UBR1: variants seen among roughly 807,000 people sequenced by gnomAD.
UBR1 encodes E3 ubiquitin-protein ligase UBR1.
Under a neutral mutation model 242.1 loss-of-function variants are expected in UBR1, and 102 were observed. The ratio of observed to expected loss-of-function variants is 0.42; its 90% CI spans 0.36 to 0.50. The LOEUF is 0.50. UBR1 is among the 20% of genes least tolerant of loss of function. UBR1 has a pLI of 0.01. For missense variants in UBR1, 1,772 were observed against 2,101.8 expected (o/e 0.84, Z 3.07); for synonymous variants, 675 against 684.8 (o/e 0.99, Z 0.22).
At chr15:43,060,677 C>T (rs1352191039) in intron 6 of UBR1, among the ~76,000 whole-genome samples, 1 of 152,136 alleles carries the variant, frequency 6.6e-6, no homozygotes, top group Admixed American at 6.6e-5. Flanking sequence ...CTGTCTTCCT[C>T]ATTTAACCTT....
intron 32 of UBR1, among the ~76,000 whole-genome samples, chr15:42,999,547 G>C (rs2032692043): frequency 6.6e-6 from 1 of 152,098 alleles, no homozygotes; most frequent in African/African-American, 2.4e-5. Flanking sequence ...AACAAAGAAG[G>C]GCTGGGTGCA....
At chr15:43,062,329 A>G (rs1261287172) in intron 6 of UBR1, among the ~76,000 whole-genome samples, 5 of 151,744 alleles carry the variant, frequency 3.3e-5, no homozygotes, top group Non-Finnish European at 7.3e-5. Flanking sequence ...ATATGTATAT[A>G]TGTGTATATA....
Position 42,950,370 on chromosome 15 carries a change from G to A in UBR1, c.5007-7C>T, listed in dbSNP as rs781234581. On this transcript the variant is annotated splice_polypyrimidine_tract_variant and splice_region_variant and intron_variant, in intron 45 of 46. Coordinates refer to ENST00000290650, the MANE Select transcript of UBR1 (RefSeq NM_174916.3). ...CACTCGGCATTCTCTGATTCTGAAA[G>A]AGAAAATCAATAGGAAATATGGTTA... 9.3e-6 allele frequency: 15 copies of A among 1,613,008 alleles called. No homozygotes were observed. In the African/African-American group the frequency reaches 2.0e-4, roughly 22 times the overall value.
In UBR1 at chr15:42,947,931, C is replaced by T. The variant is rs548547947; in HGVS notation, c.5108+2331G>A. Among the ~76,000 whole-genome samples the T allele has an allele frequency of 7.2e-3, 1,098 of 152,232 alleles. 5 individuals are homozygous for T. The highest frequency in any genetic ancestry group is 0.011 in the Non-Finnish European group (735 of 67,970). The stretch of plus-strand genomic sequence containing the variant: ...ACTTTCTTCACAGAATTGGAAAAAA[C>T]TACTTTAAAGTTCATATGGAACCAA... On this transcript the variant is annotated intron_variant, in intron 46 of 46. Transcript: ENST00000290650.
rs766849360 is a variant in UBR1 at position 43,025,347 on chromosome 15, T to A, written c.2584+34A>T. 1.2e-5 allele frequency: 19 copies of A among 1,590,188 alleles called. No homozygotes were observed. In the South Asian group the frequency reaches 2.0e-4, roughly 17 times the overall value. ...GCTGATGTGAAACCACAGAAAATAG[T>A]CAAAATGAGTCAATTCAGAATCTCA... is the stretch of plus-strand genomic sequence containing the variant. On this transcript the variant is annotated intron_variant, in intron 24 of 46. Coordinates refer to ENST00000290650, the MANE Select transcript of UBR1 (RefSeq NM_174916.3).
At chr15:42,961,754 T>G (rs2032023696) in intron 42 of UBR1, among the ~76,000 whole-genome samples, 2 of 151,338 alleles carry the variant, frequency 1.3e-5, no homozygotes, top group South Asian at 4.2e-4. Flanking sequence ...TTTCTATACT[T>G]ATCTTTTTTT....
At chr15:43,091,325 A>G (rs1006069658) in intron 1 of UBR1, among the ~76,000 whole-genome samples, 4 of 152,188 alleles carry the variant, frequency 2.6e-5, no homozygotes, top group Non-Finnish European at 4.4e-5. Context: ...TCAGAAACCA[A>G]GACACTCAAA....
rs2031691667 is a variant in UBR1, at chr15:42,943,965, T to C, written c.*1364A>G. On this transcript the variant is annotated 3_prime_UTR_variant, in exon 47 of 47. Transcript: ENST00000290650. ...AGTACCAAAAAAATCTAGCCCCAAA[T>C]GTGCATCACTAATCACTTAGCAAAT... 1 of 152,294 alleles carries C rather than the reference T, an allele frequency of 6.6e-6. No individual in the cohort carries two copies. Among genetic ancestry groups the C allele is most frequent in the Non-Finnish European group, 1.5e-5 (1 of 68,034 alleles). The allele number at this position is 152,294 out of a possible 1,614,324, so 9.4% of individuals were successfully genotyped here.
intron 30 of UBR1, among the ~76,000 whole-genome samples, chr15:43,004,412 C>A (rs1212406981): frequency 1.3e-5 from 2 of 152,096 alleles, no homozygotes; most frequent in East Asian, 3.9e-4. Context: ...CCCTCTGATG[C>A]CACCAAAGTT....
At chr15:43,017,675 T>C (rs2033047842) in intron 27 of UBR1, among the ~76,000 whole-genome samples, 5 of 151,804 alleles carry the variant, frequency 3.3e-5, no homozygotes, top group Admixed American at 3.3e-4. Flanking sequence ...CTGGGCGTGG[T>C]GACCCATGCC....
chr15:43,019,761 A>T (rs1343304706), intron 27 of UBR1, among the ~76,000 whole-genome samples: 3 of 138,204 alleles, frequency 2.2e-5, no homozygotes, highest in Non-Finnish European at 3.1e-5. Flanking sequence ...CGCCCAGCTA[A>T]TTTTTTTTTT....
chr15:43,001,594 A>T (rs1000110311), intron 32 of UBR1, among the ~76,000 whole-genome samples: 1 of 152,262 alleles, frequency 6.6e-6, no homozygotes, highest in African/African-American at 2.4e-5. Flanking sequence ...AAAGCAACTG[A>T]AATAATATAA....
intron 1 of UBR1, chr15:43,091,965 G>A: frequency 2.2e-6 from 1 of 446,162 alleles, no homozygotes; most frequent in South Asian, 1.6e-5. Context: ...ACATACCTGT[G>A]GTCCCAGCTA....
rs939655371 is a variant in UBR1 at position 43,058,435 on chromosome 15, G to A, written c.1094-6C>T. 1.1e-5 allele frequency: 18 copies of A among 1,607,358 alleles called. No homozygotes were observed. Among genetic ancestry groups the A allele is most frequent in the Non-Finnish European group, 1.5e-5 (18 of 1,175,924 alleles). ...ATGAAGGATCTTACGGGCACCTATA[G>A]ATTATTTTGGGGAGGGTGGGGGAAT... On this transcript the variant is annotated splice_region_variant and splice_polypyrimidine_tract_variant and intron_variant, in intron 9 of 46. Coordinates refer to ENST00000290650, the MANE Select transcript of UBR1 (RefSeq NM_174916.3).
intron 40 of UBR1, among the ~76,000 whole-genome samples, chr15:42,970,121 G>A (rs574986056): frequency 1.2e-4 from 18 of 152,250 alleles, no homozygotes; most frequent in Admixed American, 4.6e-4. Context: ...AACCAAAACA[G>A]CATGGTACTG....
intron 30 of UBR1, among the ~76,000 whole-genome samples, chr15:43,004,762 C>T (rs576166769): frequency 2.6e-4 from 40 of 152,310 alleles, no homozygotes; most frequent in African/African-American, 9.6e-4. Context: ...GCCTTGGCCT[C>T]CCAAAGTGCC....
At position 42,958,033 on chromosome 15, in the gene UBR1, C is replaced by G. The variant is rs376155272; in HGVS notation, c.4815G>C (p.Leu1605=). The change falls in exon 44 of 47, where the codon CTG becomes CTC. Residue 1605 remains leucine (L), a synonymous_variant. Coordinates refer to ENST00000290650, the MANE Select transcript of UBR1 (RefSeq NM_174916.3). ...CTTACCTGAAATGAGAAGCTTGATT[C>G]AGGAGGCAGCTATAGTCATCAGGAA... The part of the protein sequence containing the change: ...IELPDDYSCL[L]NQASHFRCPR... The G allele has an allele frequency of 6.2e-7, 1 of 1,613,426 alleles. No individual in the cohort carries two copies. The highest frequency in any genetic ancestry group is 1.3e-5 in the African/African-American group (1 of 75,044).
In UBR1 at chr15:42,953,233, GA is replaced by G. The variant is rs960294834; in HGVS notation, c.4836-786del. Among the ~76,000 whole-genome samples the G allele has an allele frequency of 9.8e-5, 15 of 152,324 alleles. 1 individual carries two copies. Among genetic ancestry groups the G allele is most frequent in the Admixed American group, 9.1e-4 (14 of 15,302 alleles). ...CGTGCTATAATGCCCCACCAAGGGG[GA>G]TAATGGTTATCTTTTAAAAAGGAGT... On this transcript the variant is annotated intron_variant, in intron 44 of 46. Coordinates refer to ENST00000290650, the MANE Select transcript of UBR1 (RefSeq NM_174916.3).
intron 5 of UBR1, among the ~76,000 whole-genome samples, chr15:43,070,555 A>AT (rs1050286631): frequency 5.9e-5 from 9 of 151,928 alleles, no homozygotes; most frequent in East Asian, 1.9e-4. Context: ...AAAAATGTTG[A>AT]TTTTTTTTCC....
Sources: allele counts gnomAD v4.1 joint callset (sites outside exome capture counted in the v4.1 genomes callset), GRCh38; gene constraint gnomAD v4.1.1; transcripts MANE v1.5; gene names NCBI Gene and HGNC (gene_info 2026-07-23, HGNC 2026-07-21).